GRIA1: variants seen among roughly 807,000 people sequenced by gnomAD.
GRIA1 encodes the protein glutamate ionotropic receptor AMPA type subunit 1, also known as glutamate receptor 1.
GRIA1 carries 31 observed loss-of-function variants against 99.2 expected under a neutral mutation model. The observed-to-expected ratio is 0.31, with a 90% CI of 0.23 to 0.42. GRIA1 has a LOEUF of 0.42. Ranked by LOEUF, GRIA1 falls within the 10% of genes least tolerant of loss-of-function variation. The pLI is 1.00. For synonymous variants in GRIA1, 438 were observed against 432.4 expected (o/e 1.01, Z -0.16); for missense variants, 782 against 1,157.5 (o/e 0.68, Z 4.71).
chr5:153,642,339 A>G (rs1406947576), intron 2 of GRIA1, among the ~76,000 whole-genome samples: 2 of 152,212 alleles, frequency 1.3e-5, no homozygotes, highest in Non-Finnish European at 2.9e-5. Context: ...AACCCACCTC[A>G]GGGAATGAAA....
At chr5:153,645,971 G>A (rs1038897756) in intron 2 of GRIA1, among the ~76,000 whole-genome samples, 6 of 152,178 alleles carry the variant, frequency 3.9e-5, no homozygotes, top group Non-Finnish European at 8.8e-5. Context: ...ATTGAAGATG[G>A]CCTTGGGGTT....
intron 2 of GRIA1, among the ~76,000 whole-genome samples, chr5:153,568,565 C>T (rs72802604): frequency 0.097 from 14,721 of 152,088 alleles, 791 homozygotes; most frequent in South Asian, 0.19. Flanking sequence ...CTCATTATAA[C>T]ATCTTTTTTA....
chr5:153,795,002 T>C (rs1765558258), intron 14 of GRIA1, among the ~76,000 whole-genome samples: 1 of 152,204 alleles, frequency 6.6e-6, no homozygotes. Flanking sequence ...GAGGACATTG[T>C]GCCTGGACCT....
chr5:153,724,359 C>T (rs901855676), intron 11 of GRIA1, among the ~76,000 whole-genome samples: 48 of 152,072 alleles, frequency 3.2e-4, no homozygotes, highest in African/African-American at 9.7e-4. Flanking sequence ...TCCAAAGGAA[C>T]GCAGTTCCTC....
At chr5:153,713,047 C>T (rs999214972) in intron 11 of GRIA1, among the ~76,000 whole-genome samples, 2 of 152,152 alleles carry the variant, frequency 1.3e-5, no homozygotes, top group African/African-American at 4.8e-5. Flanking sequence ...AAGCAAGGCC[C>T]ATATGGCAGC....
In GRIA1 at chr5:153,508,616, G is replaced by A. The variant is rs189031375; in HGVS notation, c.220+14551G>A. ...TTTAAATGCAATAAAATCACTAATGGATTTTAAGCTTGGGAGTGTAGTGAT... is the reference window on the plus strand; with the variant it reads ...TTTAAATGCAATAAAATCACTAATGAATTTTAAGCTTGGGAGTGTAGTGAT... On this transcript the variant is annotated intron_variant, in intron 2 of 15. Transcript: ENST00000285900. 1.5e-3 allele frequency among the ~76,000 whole-genome samples: 221 copies of A among 152,282 alleles called. 2 individuals are homozygous for A. The highest frequency in any genetic ancestry group is 2.7e-3 in the Non-Finnish European group (185 of 68,014).
intron 5 of GRIA1, among the ~76,000 whole-genome samples, chr5:153,662,125 G>T (rs1755415272): frequency 6.6e-6 from 1 of 152,162 alleles, no homozygotes. Context: ...AGCAGCCTTT[G>T]AGTATTTGAA....
chr5:153,623,412 G>T (rs569590452), intron 2 of GRIA1, among the ~76,000 whole-genome samples: 1 of 152,270 alleles, frequency 6.6e-6, no homozygotes, highest in South Asian at 2.1e-4. Flanking sequence ...GAGCTCAATG[G>T]CATCAGCAGG....
At chr5:153,681,806 T>C (rs10065176) in intron 7 of GRIA1, among the ~76,000 whole-genome samples, 22,458 of 152,054 alleles carry the variant, frequency 0.15, 1,771 homozygotes, top group South Asian at 0.19. Flanking sequence ...GAGGCTGAGG[T>C]GGGCAGATCA....
At chr5:153,713,080 T>TCAA (rs1367390406) in intron 11 of GRIA1, among the ~76,000 whole-genome samples, 6 of 152,166 alleles carry the variant, frequency 3.9e-5, no homozygotes, top group African/African-American at 1.4e-4. Flanking sequence ...TGAGTCAACA[T>TCAA]TGAGTTTGAT....
intron 2 of GRIA1, among the ~76,000 whole-genome samples, chr5:153,597,842 TAAAA>T (rs372705510): frequency 7.0e-6 from 1 of 142,092 alleles, no homozygotes; most frequent in African/African-American, 2.7e-5. Flanking sequence ...ACCCCGTCTC[TAAAA>T]AAAAAAAAAA....
chr5:153,497,053 G>A (rs1754506819), intron 2 of GRIA1, among the ~76,000 whole-genome samples: 1 of 152,082 alleles, frequency 6.6e-6, no homozygotes, highest in Non-Finnish European at 1.5e-5. Flanking sequence ...GTGGTTATAT[G>A]GTAGGGAAGG....
rs1162265984 is a variant in GRIA1 at position 153,764,506 on chromosome 5, C to A, written c.1896C>A (p.Ala632=). Residue 632 remains alanine, a synonymous_variant, in exon 12 of 16, where the codon GCC becomes GCA. Transcript: ENST00000285900. ...TAATCATCATCTCCTCATATACAGCCAATCTGGCCGCCTTCCTGACCGTGG... is the reference window on the plus strand; with the variant it reads ...TAATCATCATCTCCTCATATACAGCAAATCTGGCCGCCTTCCTGACCGTGG... ...FTLIIISSYT[A]NLAAFLTVER... The A allele has an allele frequency of 1.3e-5, 21 of 1,613,646 alleles. No homozygotes were observed. The highest frequency in any genetic ancestry group is 1.6e-5 in the Non-Finnish European group (19 of 1,179,708).
intron 2 of GRIA1, among the ~76,000 whole-genome samples, chr5:153,570,379 G>A (rs536631486): frequency 1.3e-5 from 2 of 152,320 alleles, no homozygotes; most frequent in African/African-American, 2.4e-5. Context: ...GGATCATACA[G>A]CTATCAAACA....
At chr5:153,741,130 C>G (rs1761754938) in intron 11 of GRIA1, among the ~76,000 whole-genome samples, 1 of 151,982 alleles carries the variant, frequency 6.6e-6, no homozygotes, top group African/African-American at 2.4e-5. Flanking sequence ...GCACCTGCCA[C>G]CACTCCTGGC....
chr5:153,808,920 T>G (rs1766621998), intron 15 of GRIA1, among the ~76,000 whole-genome samples: 1 of 152,238 alleles, frequency 6.6e-6, no homozygotes, highest in Admixed American at 6.5e-5. Context: ...CTAAATTATC[T>G]CAGACTTTGG....
intron 2 of GRIA1, among the ~76,000 whole-genome samples, chr5:153,601,194 A>G (rs972414314): frequency 3.3e-5 from 5 of 152,208 alleles, no homozygotes; most frequent in Non-Finnish European, 5.9e-5. Context: ...TCCATGAGAT[A>G]AGAGATGCTG....
chr5:153,748,997 C>G (rs537221634), intron 11 of GRIA1, among the ~76,000 whole-genome samples: 1 of 152,182 alleles, frequency 6.6e-6, no homozygotes, highest in South Asian at 2.1e-4. Context: ...GAGAGCAAGA[C>G]TGTAGACAGG....
chr5:153,499,777 T>G (rs2113230066), intron 2 of GRIA1, among the ~76,000 whole-genome samples: 1 of 152,248 alleles, frequency 6.6e-6, no homozygotes, highest in South Asian at 2.1e-4. Context: ...TGATGAAAAC[T>G]TCTTGGGGAA....
Sources: allele counts gnomAD v4.1 joint callset (sites outside exome capture counted in the v4.1 genomes callset), GRCh38; gene constraint gnomAD v4.1.1; transcripts MANE v1.5; gene names NCBI Gene and HGNC (gene_info 2026-07-23, HGNC 2026-07-21).